KLF12: variants seen among roughly 807,000 people sequenced by gnomAD.
The protein encoded by KLF12 is Krueppel-like factor 12.
A neutral mutation model predicts 37.8 loss-of-function variants in KLF12; 9 were observed. The observed-to-expected ratio is 0.24, with a 90% CI of 0.14 to 0.42. KLF12 has a LOEUF of 0.42. KLF12 is among the 10% of genes least tolerant of loss of function. The pLI is 1.00. For synonymous variants in KLF12, 208 were observed against 202.1 expected (o/e 1.03, Z -0.25); for missense variants, 411 against 516.0 (o/e 0.80, Z 1.97).
At chr13:73,997,863 G>T in intron 1 of KLF12, among the ~76,000 whole-genome samples, 1 of 152,034 alleles carries the variant, frequency 6.6e-6, no homozygotes, top group East Asian at 1.9e-4. Context: ...AAATAGCAAG[G>T]CATAAAATAT....
chr13:74,140,895 T>C, the KLF12 span, among the ~76,000 whole-genome samples: 2 of 151,694 alleles, frequency 1.3e-5, no homozygotes, highest in Non-Finnish European at 2.9e-5. Flanking sequence ...CTACTAAAAA[T>C]ACAAAACAAA....
At chr13:74,194,168 C>A in the KLF12 span, among the ~76,000 whole-genome samples, 1 of 152,226 alleles carries the variant, frequency 6.6e-6, no homozygotes, top group Middle Eastern at 3.4e-3. Context: ...CTTCTCTGTG[C>A]CCACAAATCT....
chr13:74,115,756 T>C (rs994165019), intron 1 of KLF12, among the ~76,000 whole-genome samples: 1 of 151,682 alleles, frequency 6.6e-6, no homozygotes, highest in Admixed American at 6.6e-5. Flanking sequence ...TGGTGGCTGC[T>C]GGCACTAGTT....
chr13:74,298,840 T>C, the KLF12 span, among the ~76,000 whole-genome samples: 167 of 152,318 alleles, frequency 1.1e-3, no homozygotes, highest in African/African-American at 4.0e-3. Context: ...TGGCTTGTTT[T>C]GAAGCACACA....
chr13:73,949,970 C>G (rs1890584100), intron 2 of KLF12, among the ~76,000 whole-genome samples: 1 of 152,122 alleles, frequency 6.6e-6, no homozygotes, highest in Non-Finnish European at 1.5e-5. Context: ...TTTCAATGAT[C>G]CAAATTACAT....
Position 73,845,338 on chromosome 13 carries a change from A to G in KLF12, c.670+489T>C, listed in dbSNP as rs114843233. On this transcript the variant is annotated intron_variant, in intron 4 of 7. Coordinates refer to ENST00000377669, the MANE Select transcript of KLF12 (RefSeq NM_007249.5). ...GGCAACTTAATTTATAGGTTACTCA[A>G]AAGTGAATGATTAGATTCCAGGCAC... Among the ~76,000 whole-genome samples, 720 of 152,330 alleles carry G rather than the reference A, an allele frequency of 4.7e-3. 3 individuals carry two copies. Among genetic ancestry groups the G allele is most frequent in the African/African-American group, 0.016 (681 of 41,580 alleles).
intron 1 of KLF12, among the ~76,000 whole-genome samples, chr13:74,081,751 A>G (rs1182655365): frequency 1.3e-5 from 2 of 152,198 alleles, no homozygotes; most frequent in Non-Finnish European, 2.9e-5. Context: ...GCCTCCTTCC[A>G]TAGATTTACA....
At position 73,762,225 on chromosome 13, in the gene KLF12, C is replaced by T. The variant is rs143747765; in HGVS notation, c.869+2713G>A. On this transcript the variant is annotated intron_variant, in intron 6 of 7. Coordinates refer to ENST00000377669, the MANE Select transcript of KLF12 (RefSeq NM_007249.5). ...CTCTCGTTTCCTCCCTGGGTATGTA[C>T]AATATTACCACACTTTCAATTCCAG... Among the ~76,000 whole-genome samples, 502 of 152,266 alleles carry T rather than the reference C, an allele frequency of 3.3e-3. 6 individuals are homozygous for T. The highest frequency in any genetic ancestry group is 0.012 in the African/African-American group (486 of 41,552).
chr13:73,950,404 A>G (rs758447985), intron 2 of KLF12, among the ~76,000 whole-genome samples: 3 of 152,194 alleles, frequency 2.0e-5, no homozygotes, highest in Non-Finnish European at 4.4e-5. Context: ...TGGGCAGAGG[A>G]TGGTTAAAAT....
At chr13:74,099,821 A>G (rs1348974024) in intron 1 of KLF12, among the ~76,000 whole-genome samples, 1 of 91,246 alleles carries the variant, frequency 1.1e-5, no homozygotes, top group Non-Finnish European at 2.5e-5. Context: ...ACACAGGATA[A>G]ACATTCTTTT....
chr13:74,292,419 T>A, the KLF12 span, among the ~76,000 whole-genome samples: 21 of 152,142 alleles, frequency 1.4e-4, no homozygotes, highest in Middle Eastern at 3.4e-3. Context: ...ATTAGCATAG[T>A]GCCTATCTCA....
chr13:74,292,690 T>C, the KLF12 span, among the ~76,000 whole-genome samples: 1 of 152,182 alleles, frequency 6.6e-6, no homozygotes, highest in Non-Finnish European at 1.5e-5. Context: ...TGTACCTTCG[T>C]CACTTTCTTC....
At chr13:73,978,289 A>C (rs550045368) in intron 2 of KLF12, among the ~76,000 whole-genome samples, 1 of 152,368 alleles carries the variant, frequency 6.6e-6, no homozygotes, top group Non-Finnish European at 1.5e-5. Flanking sequence ...GTGTAAAAAA[A>C]TGTCCCAAAG....
At chr13:73,773,187 T>G (rs1880379768) in intron 5 of KLF12, among the ~76,000 whole-genome samples, 1 of 152,192 alleles carries the variant, frequency 6.6e-6, no homozygotes, top group African/African-American at 2.4e-5. Context: ...AGGTGAGCCC[T>G]GAGCTTCATG....
chr13:73,996,378 A>C (rs1892120222), intron 1 of KLF12, among the ~76,000 whole-genome samples: 1 of 152,244 alleles, frequency 6.6e-6, no homozygotes. Flanking sequence ...CAGTGTTCTC[A>C]AAGATGTTTT....
At chr13:74,094,290 T>C (rs964808913) in intron 1 of KLF12, among the ~76,000 whole-genome samples, 14 of 152,142 alleles carry the variant, frequency 9.2e-5, no homozygotes, top group Admixed American at 7.2e-4. Context: ...AACTATAACA[T>C]TTACATTCTG....
chr13:74,011,423 C>T (rs1030609715), intron 1 of KLF12, among the ~76,000 whole-genome samples: 11 of 152,082 alleles, frequency 7.2e-5, no homozygotes, highest in Admixed American at 4.6e-4. Flanking sequence ...GTGTGCAATA[C>T]AAAAATAACT....
intron 4 of KLF12, among the ~76,000 whole-genome samples, chr13:73,815,889 G>A (rs2138457826): frequency 6.6e-6 from 1 of 152,282 alleles, no homozygotes; most frequent in East Asian, 1.9e-4. Flanking sequence ...TTGTGTGAGA[G>A]TTGTTACATG....
intron 5 of KLF12, among the ~76,000 whole-genome samples, chr13:73,784,292 AG>A (rs2138215067): frequency 6.6e-6 from 1 of 152,226 alleles, no homozygotes; most frequent in African/African-American, 2.4e-5. Context: ...AAACCATCAA[AG>A]GGGTTCTCAA....
Sources: gnomAD v4.1 joint callset for allele counts (sites outside exome capture counted in the v4.1 genomes callset) on GRCh38, gnomAD v4.1.1 for gene constraint, MANE v1.5 for transcripts, NCBI Gene and HGNC (gene_info 2026-07-23, HGNC 2026-07-21) for gene names.